Variants in HIVEP3 observed in about 807,000 individuals in gnomAD.
The protein encoded by HIVEP3 is HIVEP zinc finger 3.
HIVEP3 carries 49 observed loss-of-function variants against 152.8 expected under a neutral mutation model. The observed-to-expected ratio is 0.32, with a 90% CI of 0.26 to 0.41. The LOEUF is 0.41. Among genes scored for constraint, HIVEP3 ranks in the 10% least tolerant of loss-of-function variants. The pLI is 1.00. For synonymous variants in HIVEP3, 1,269 were observed against 1,289.0 expected, an observed-to-expected ratio of 0.98 and a Z score of 0.33; for missense variants, 2,790 against 3,103.3, an observed-to-expected ratio of 0.90 and a Z score of 2.40.
At chr1:42,004,504 T>C (rs1645447099) in intron 1 of HIVEP3, among the ~76,000 whole-genome samples, 3 of 152,118 alleles carry the variant, frequency 2.0e-5, no homozygotes, top group South Asian at 2.1e-4. Flanking sequence ...TGAGTTACTA[T>C]TGCATCATGG....
intron 3 of HIVEP3, among the ~76,000 whole-genome samples, chr1:41,627,196 C>T (rs1324938868): frequency 2.0e-5 from 3 of 152,218 alleles, no homozygotes; most frequent in Non-Finnish European, 4.4e-5. Flanking sequence ...GGGTGACTCA[C>T]GTTTGGGAGG....
intron 1 of HIVEP3, among the ~76,000 whole-genome samples, chr1:41,818,700 G>A (rs566811131): frequency 5.5e-4 from 84 of 152,274 alleles, no homozygotes; most frequent in Non-Finnish European, 8.1e-4. Context: ...TATTATTCCC[G>A]TCTATAGGAG....
intron 1 of HIVEP3, among the ~76,000 whole-genome samples, chr1:41,792,724 C>G (rs1649772600): frequency 6.6e-6 from 1 of 152,228 alleles, no homozygotes; most frequent in Non-Finnish European, 1.5e-5. Context: ...AGAAAGGACA[C>G]CTTCCATGGC....
At chr1:41,981,769 T>G (rs1645295423) in intron 1 of HIVEP3, among the ~76,000 whole-genome samples, 1 of 152,230 alleles carries the variant, frequency 6.6e-6, no homozygotes, top group African/African-American at 2.4e-5. Flanking sequence ...ACTTTCTGTC[T>G]TCTACATACT....
intron 1 of HIVEP3, among the ~76,000 whole-genome samples, chr1:41,703,684 C>T (rs981656077): frequency 9.2e-5 from 14 of 152,160 alleles, no homozygotes; most frequent in African/African-American, 3.4e-4. Context: ...AGACCCAACA[C>T]ATAAAAAATC....
chr1:41,778,249 T>C (rs529057848), intron 1 of HIVEP3, among the ~76,000 whole-genome samples: 1 of 152,332 alleles, frequency 6.6e-6, no homozygotes, highest in East Asian at 1.9e-4. Context: ...CAGTACAAGG[T>C]ACCTCCTGAG....
intron 1 of HIVEP3, among the ~76,000 whole-genome samples, chr1:41,996,784 T>C (rs1294442458): frequency 6.6e-6 from 1 of 152,220 alleles, no homozygotes; most frequent in Non-Finnish European, 1.5e-5. Flanking sequence ...TGGATTTCAC[T>C]GGAATAAAAT....
At chr1:41,876,251 T>C (rs1413519692) in intron 1 of HIVEP3, among the ~76,000 whole-genome samples, 1 of 152,104 alleles carries the variant, frequency 6.6e-6, no homozygotes, top group Non-Finnish European at 1.5e-5. Context: ...GATTAAGCAA[T>C]GTTTTGGGAG....
intron 1 of HIVEP3, among the ~76,000 whole-genome samples, chr1:41,834,277 A>AT (rs1474211127): frequency 6.6e-6 from 1 of 152,124 alleles, no homozygotes; most frequent in Non-Finnish European, 1.5e-5. Flanking sequence ...TGACACCCCC[A>AT]TTCCCCCACT....
At chr1:41,936,248 AAATC>A (rs1333065873) in intron 1 of HIVEP3, among the ~76,000 whole-genome samples, 2 of 152,148 alleles carry the variant, frequency 1.3e-5, no homozygotes, top group African/African-American at 4.8e-5. Flanking sequence ...TGCACACAGA[AAATC>A]AATCTATTCA....
Position 41,582,301 on chromosome 1 carries a change from G to C in HIVEP3, c.2497C>G (p.Pro833Ala). The C allele has an allele frequency of 6.2e-7, 1 of 1,614,198 alleles. No individual in the cohort carries two copies. The highest frequency in any genetic ancestry group is 8.5e-7 in the Non-Finnish European group (1 of 1,180,026). The change falls in exon 4 of 9, where the codon CCT (proline) becomes GCT (alanine). Residue 833 changes from proline to alanine, a missense_variant. Physicochemically the swap from Pro to Ala is conservative, Grantham distance 27. Around this residue, in one of 9 missense-constraint regions of HIVEP3, gnomAD observed 1,078 missense variants for 1,165.3 expected, o/e 0.93. Coordinates refer to ENST00000372583, the MANE Select transcript of HIVEP3 (RefSeq NM_024503.5). This position sits in a 1 kb window ranked among gnomAD's most constrained non-coding sequence, Gnocchi z 4.7. Reference sequence around the variant, plus strand: ...TGAGCAGAGCGTCCGTGTGGGGCAGGTGGGGGTGATGGGAACTGGGCCAGA... The same window carrying C: ...TGAGCAGAGCGTCCGTGTGGGGCAGCTGGGGGTGATGGGAACTGGGCCAGA... ...KPLAQFPSPP[P>A]APHGRSAHSL...
At chr1:41,552,937 A>G (rs1009667890) in intron 5 of HIVEP3, among the ~76,000 whole-genome samples, 1 of 152,188 alleles carries the variant, frequency 6.6e-6, no homozygotes, top group Non-Finnish European at 1.5e-5. Context: ...CAATTTTGGA[A>G]TAAGTGCTAT....
chr1:41,778,429 G>A (rs564695255), intron 1 of HIVEP3, among the ~76,000 whole-genome samples: 5 of 152,186 alleles, frequency 3.3e-5, no homozygotes, highest in Non-Finnish European at 7.3e-5. Flanking sequence ...TGGCTACCAC[G>A]GGTCCCTGAT....
At chr1:41,863,481 G>A (rs1175937538) in intron 1 of HIVEP3, among the ~76,000 whole-genome samples, 1 of 152,172 alleles carries the variant, frequency 6.6e-6, no homozygotes, top group African/African-American at 2.4e-5. Context: ...GGAAAGGGGA[G>A]GTGATACCAT....
chr1:41,536,029 C>T (rs527770521), intron 5 of HIVEP3, among the ~76,000 whole-genome samples: 3 of 152,160 alleles, frequency 2.0e-5, no homozygotes, highest in East Asian at 1.9e-4. Flanking sequence ...CAAAGGAACT[C>T]GGCACAGAGC....
intron 1 of HIVEP3, among the ~76,000 whole-genome samples, chr1:41,953,055 T>C (rs1645119774): frequency 6.6e-6 from 1 of 152,204 alleles, no homozygotes. Flanking sequence ...TCCGTGACAC[T>C]GCTCCTGGTT....
chr1:41,781,444 G>A (rs540903231), intron 1 of HIVEP3, among the ~76,000 whole-genome samples: 5 of 152,278 alleles, frequency 3.3e-5, no homozygotes, highest in Admixed American at 6.5e-5. Context: ...CCTGGGTCCT[G>A]TCTATTCTAC....
At chr1:41,537,972 G>C (rs1643439100) in intron 5 of HIVEP3, among the ~76,000 whole-genome samples, 1 of 152,168 alleles carries the variant, frequency 6.6e-6, no homozygotes, top group Admixed American at 6.5e-5. Flanking sequence ...GCTGGGCCAG[G>C]GCCAGAAATA....
At position 41,795,150 on chromosome 1, in the gene HIVEP3, T is replaced by A. The variant is rs552350536; in HGVS notation, c.-800-94155A>T. Among the ~76,000 whole-genome samples the A allele has an allele frequency of 2.0e-5, 3 of 152,356 alleles. No individual in the cohort carries two copies. The East Asian group carries it at 5.8e-4, about 29-fold the overall frequency. On this transcript the variant is annotated intron_variant, in intron 1 of 8. Transcript: ENST00000372583. ...GTTTTCTTGACTGTCCTTTTTGTCT[T>A]CCAGTATCTAATCCAGGATCTGACA...
Sources: gnomAD v4.1 joint callset for allele counts (sites outside exome capture counted in the v4.1 genomes callset) on GRCh38, gnomAD v4.1.1 for gene constraint, gnomAD v4.1.1 regional missense constraint, Gnocchi (gnomAD v3.1) non-coding constraint, MANE v1.5 for transcripts, NCBI Gene and HGNC (gene_info 2026-07-23, HGNC 2026-07-21) for gene names.